Variants in CORO2B observed in about 807,000 individuals in gnomAD.
CORO2B encodes the protein coronin-2B.
A neutral mutation model predicts 58.8 loss-of-function variants in CORO2B; 26 were observed. The observed-to-expected ratio is 0.44, with a 90% confidence interval of 0.32 to 0.61. The LOEUF is 0.61. Among genes scored for constraint, CORO2B ranks in the 20% least tolerant of loss-of-function variants. CORO2B has a pLI of 0.04. For missense variants in CORO2B, 460 were observed against 645.1 expected (o/e 0.71, Z 3.11); for synonymous variants, 242 against 253.8 (o/e 0.95, Z 0.44).
At chr15:68,694,580 T>G (rs1347508741) in intron 2 of CORO2B, among the ~76,000 whole-genome samples, 1 of 152,136 alleles carries the variant, frequency 6.6e-6, no homozygotes, top group Non-Finnish European at 1.5e-5. Context: ...GAATGGCTCG[T>G]GTAAGAGTAT....
At chr15:68,563,048 C>T in the CORO2B span, among the ~76,000 whole-genome samples, 5 of 150,488 alleles carry the variant, frequency 3.3e-5, no homozygotes, top group African/African-American at 1.2e-4. Flanking sequence ...TCATTGAAAA[C>T]AGTGGTTAGA....
intron 1 of CORO2B, among the ~76,000 whole-genome samples, chr15:68,626,800 C>A (rs1029775598): frequency 6.6e-6 from 1 of 152,178 alleles, no homozygotes; most frequent in Non-Finnish European, 1.5e-5. Context: ...GGGCTGAGAA[C>A]CGCTGCTCCA....
rs1408246224 is a variant in CORO2B at position 68,632,436 on chromosome 15, A to G, written c.16-12724A>G. On this transcript the variant is annotated intron_variant, in intron 1 of 11. Coordinates refer to ENST00000261861, the MANE Select transcript of CORO2B (RefSeq NM_006091.5). ...TCTTCATTTGCTAACACGGAGAGACAGAAGTTGAGAAACGTCCTCTCTCAA... is the reference window on the plus strand; with the variant it reads ...TCTTCATTTGCTAACACGGAGAGACGGAAGTTGAGAAACGTCCTCTCTCAA... 3 of 985,098 alleles carry G rather than the reference A, an allele frequency of 3.0e-6. No individual in the cohort carries two copies. In the African/African-American group the frequency reaches 5.2e-5, roughly 17 times the overall value. 61.0% of individuals were successfully genotyped at this position (985,098 alleles called of 1,614,324 possible).
intron 2 of CORO2B, among the ~76,000 whole-genome samples, chr15:68,693,411 G>C (rs988181806): frequency 2.0e-5 from 3 of 152,162 alleles, no homozygotes; most frequent in African/African-American, 7.2e-5. Flanking sequence ...ATTCTGATGA[G>C]GAATCTGAAG....
At chr15:68,604,964 AT>A (rs1255231620) in intron 1 of CORO2B, among the ~76,000 whole-genome samples, 1 of 152,114 alleles carries the variant, frequency 6.6e-6, no homozygotes, top group Non-Finnish European at 1.5e-5. Flanking sequence ...AAACACAAAA[AT>A]TAGCCAGGCA....
At chr15:68,530,160 T>G in the CORO2B span, among the ~76,000 whole-genome samples, 2 of 152,054 alleles carry the variant, frequency 1.3e-5, no homozygotes, top group East Asian at 3.9e-4. Flanking sequence ...CCGTCTCTAC[T>G]GAAAAATACA....
At chr15:68,523,295 A>G in the CORO2B span, among the ~76,000 whole-genome samples, 19 of 152,010 alleles carry the variant, frequency 1.2e-4, no homozygotes, top group Non-Finnish European at 2.4e-4. Flanking sequence ...CCCAGGCTCA[A>G]TGTGATCCTC....
chr15:68,525,462 G>A, the CORO2B span, among the ~76,000 whole-genome samples: 1 of 152,174 alleles, frequency 6.6e-6, no homozygotes, highest in Non-Finnish European at 1.5e-5. Context: ...GACTCAAGAA[G>A]GCTTTGTAAG....
chr15:68,565,878 C>A, the CORO2B span, among the ~76,000 whole-genome samples: 2 of 152,368 alleles, frequency 1.3e-5, no homozygotes, highest in Middle Eastern at 6.8e-3. Flanking sequence ...TGGGGCCTGG[C>A]TGCTTCCTCT....
chr15:68,596,710 G>C (rs1198096833), intron 1 of CORO2B, among the ~76,000 whole-genome samples: 2 of 152,220 alleles, frequency 1.3e-5, no homozygotes, highest in Admixed American at 1.3e-4. Flanking sequence ...GCACAGGGAA[G>C]ATGCATCTTC....
chr15:68,720,127 T>A (rs1567020496), intron 11 of CORO2B, among the ~76,000 whole-genome samples: 1 of 152,238 alleles, frequency 6.6e-6, no homozygotes, highest in East Asian at 1.9e-4. Context: ...ATTCACAGGA[T>A]GCCTACTGTG....
chr15:68,597,873 G>A (rs1457424385), intron 1 of CORO2B, among the ~76,000 whole-genome samples: 1 of 152,188 alleles, frequency 6.6e-6, no homozygotes, highest in East Asian at 1.9e-4. Context: ...GGTGGTCCAG[G>A]CGAGAGGCCT....
chr15:68,719,324 G>A, intron 10 of CORO2B, 89 bp from the exon 11 acceptor site: 1 of 1,601,580 alleles, frequency 6.2e-7, no homozygotes, highest in Non-Finnish European at 8.5e-7. Context: ...CTGTCCCCCT[G>A]TTTGAACTTC....
chr15:68,711,493 A>G, intron 4 of CORO2B, 49 bp from the exon 5 acceptor site: 1 of 1,562,172 alleles, frequency 6.4e-7, no homozygotes, highest in Admixed American at 1.8e-5. Flanking sequence ...CAAACACCCC[A>G]GGACCCTAGC....
chr15:68,523,932 A>AT, the CORO2B span, among the ~76,000 whole-genome samples: 5 of 152,016 alleles, frequency 3.3e-5, no homozygotes, highest in African/African-American at 4.8e-5. Flanking sequence ...TTTTAAAAAT[A>AT]TTTTTTTCCA....
Position 68,715,315 on chromosome 15 carries a change from A to AG in CORO2B, c.967+5dup. The AG allele has an allele frequency of 1.2e-6, 2 of 1,610,652 alleles. No individual in the cohort carries two copies. Among genetic ancestry groups the AG allele is most frequent in the Non-Finnish European group, 1.7e-6 (2 of 1,177,092 alleles). On this transcript the variant is annotated splice_donor_region_variant and intron_variant, in intron 8 of 11. Transcript: ENST00000261861. The stretch of plus-strand genomic sequence containing the variant: ...CCAGCCCCGCAGAAAGGCCTAGGTA[A>AG]GTGGCCCCGAGGCTGCCACAGCTGG...
intron 2 of CORO2B, among the ~76,000 whole-genome samples, chr15:68,646,733 G>A (rs1452793506): frequency 2.6e-5 from 4 of 152,160 alleles, no homozygotes; most frequent in Non-Finnish European, 5.9e-5. Context: ...TGTCATGTTG[G>A]CCTTAAGTGA....
Position 68,710,894 on chromosome 15 carries a change from C to T in CORO2B, c.483+13C>T. 1 of 1,584,410 alleles carries T rather than the reference C, an allele frequency of 6.3e-7. No homozygotes were observed. Among genetic ancestry groups the T allele is most frequent in the Non-Finnish European group, 8.6e-7 (1 of 1,162,184 alleles). ...CTACGACTACAAGGTATGCAGTGGGCAGGCAGCTGGGTGGAGAGGGATTGG... is the reference window on the plus strand; with the variant it reads ...CTACGACTACAAGGTATGCAGTGGGTAGGCAGCTGGGTGGAGAGGGATTGG... On this transcript the variant is annotated intron_variant, in intron 4 of 11. Coordinates refer to ENST00000261861, the MANE Select transcript of CORO2B (RefSeq NM_006091.5). The surrounding 1 kb of genome is among the most constrained non-coding windows in gnomAD (Gnocchi z 4.1).
chr15:68,532,722 C>T, the CORO2B span, among the ~76,000 whole-genome samples: 2 of 152,252 alleles, frequency 1.3e-5, no homozygotes, highest in Admixed American at 6.5e-5. Flanking sequence ...GTGAATATTA[C>T]GCTGTTCAGT....
Sources: gnomAD v4.1 joint callset for allele counts (sites outside exome capture counted in the v4.1 genomes callset) on GRCh38, gnomAD v4.1.1 for gene constraint, Gnocchi (gnomAD v3.1) non-coding constraint, MANE v1.5 for transcripts, NCBI Gene and HGNC (gene_info 2026-07-23, HGNC 2026-07-21) for gene names.